SPIN1: variants seen among roughly 807,000 people sequenced by gnomAD.
SPIN1 encodes the protein spindlin-1.
SPIN1 carries 3 observed loss-of-function variants against 26.0 expected under a neutral mutation model. The ratio of observed to expected loss-of-function variants is 0.12; its 90% CI spans 0.05 to 0.30. SPIN1 has a LOEUF of 0.30. Ranked by LOEUF, SPIN1 falls within the 10% of genes least tolerant of loss-of-function variation. SPIN1 has a pLI of 1.00. For missense variants in SPIN1, 126 were observed against 333.4 expected (o/e 0.38, Z 4.84); for synonymous variants, 101 against 116.5 (o/e 0.87, Z 0.86).
At chr9:88,468,097 A>G (rs1054437281) in intron 4 of SPIN1, among the ~76,000 whole-genome samples, 3 of 152,236 alleles carry the variant, frequency 2.0e-5, no homozygotes, top group African/African-American at 7.2e-5. Context: ...TACAGAACCA[A>G]GAGCAGATGA....
Position 88,468,795 on chromosome 9 carries a change from TAGTC to T in SPIN1, c.589+194_589+197del, listed in dbSNP as rs147267354. ...AAATGTTAGATAAGAAAATATTTGA[TAGTC>T]AGTTCTGCTTGGCTTCTGTAATAAG... On this transcript the variant is annotated intron_variant, in intron 5 of 5. Coordinates refer to ENST00000375859, the MANE Select transcript of SPIN1 (RefSeq NM_006717.3). 8.8e-3 allele frequency among the ~76,000 whole-genome samples: 1,348 copies of T among 152,320 alleles called. 15 individuals are homozygous for T. Among genetic ancestry groups the T allele is most frequent in the African/African-American group, 0.023 (969 of 41,578 alleles).
chr9:88,427,393 C>T lies in SPIN1; in HGVS notation c.52+802C>T, dbSNP rs188236728. Among the ~76,000 whole-genome samples the T allele has an allele frequency of 2.7e-3, 415 of 152,150 alleles. 3 individuals are homozygous for T. Among genetic ancestry groups the T allele is most frequent in the African/African-American group, 9.3e-3 (386 of 41,550 alleles). ...TAAGTACCCTTTATCTTTATTTTAG[C>T]TTCTCTTTTATAAAGATAATACTCA... On this transcript the variant is annotated intron_variant, in intron 2 of 5. Transcript: ENST00000375859.
chr9:88,431,846 G>A (rs1178698778), intron 2 of SPIN1, among the ~76,000 whole-genome samples: 2 of 152,038 alleles, frequency 1.3e-5, no homozygotes. Context: ...GGCCAGGAGT[G>A]TGAGACTGCC....
In SPIN1 at chr9:88,475,913, TTTAAAAAAA is replaced by T. The variant is rs1587820813; in HGVS notation, c.*637_*645del. On this transcript the variant is annotated 3_prime_UTR_variant, in exon 6 of 6. Coordinates refer to ENST00000375859, the MANE Select transcript of SPIN1 (RefSeq NM_006717.3). ...GAACCATATGGGAACATTCAGCTTG[TTTAAAAAAA>T]AAAAATCAGAAGTTCAGAGCACCTT... 6.6e-6 allele frequency: 1 copy of T among 151,120 alleles called. No homozygotes were observed. The highest frequency in any genetic ancestry group is 1.9e-4 in the East Asian group (1 of 5,192). The allele number at this position is 151,120 out of a possible 1,614,324, so 9.4% of individuals were successfully genotyped here.
rs558005939 is a variant in SPIN1 at position 88,409,645 on chromosome 9, C to G, written c.-158-16737C>G. On this transcript the variant is annotated intron_variant, in intron 1 of 5. Transcript: ENST00000375859. ...GGTCAGGAGATGAAGACTGTCCTGG[C>G]TAACATGGTGAAACCCTGTCTCTAC... Among the ~76,000 whole-genome samples the G allele has an allele frequency of 5.9e-5, 9 of 151,714 alleles. No individual in the cohort carries two copies. The South Asian group carries it at 1.0e-3, about 18-fold the overall frequency.
chr9:88,473,100 T>C (rs780328553), intron 5 of SPIN1, among the ~76,000 whole-genome samples: 23 of 152,196 alleles, frequency 1.5e-4, no homozygotes, highest in Non-Finnish European at 3.1e-4. Flanking sequence ...TACATATTTT[T>C]AAAATTTTTG....
intron 1 of SPIN1, among the ~76,000 whole-genome samples, chr9:88,420,001 G>C (rs749123991): frequency 6.6e-6 from 1 of 152,176 alleles, no homozygotes; most frequent in Non-Finnish European, 1.5e-5. Context: ...TTCCTTACAA[G>C]GAAAGTAACT....
At chr9:88,447,224 T>A (rs1401336834) in intron 2 of SPIN1, among the ~76,000 whole-genome samples, 1 of 152,218 alleles carries the variant, frequency 6.6e-6, no homozygotes, top group East Asian at 1.9e-4. Flanking sequence ...TTTCACTAAT[T>A]TCATTTTTCT....
At chr9:88,418,292 A>C (rs1252872197) in intron 1 of SPIN1, among the ~76,000 whole-genome samples, 3 of 152,178 alleles carry the variant, frequency 2.0e-5, no homozygotes, top group African/African-American at 7.2e-5. Flanking sequence ...TAAAAAAGAC[A>C]CTGGTATTCC....
intron 3 of SPIN1, among the ~76,000 whole-genome samples, chr9:88,455,380 G>A (rs1181041460): frequency 6.6e-6 from 1 of 152,080 alleles, no homozygotes; most frequent in Non-Finnish European, 1.5e-5. Context: ...CGCTTGAACC[G>A]GGGAGACAGA....
chr9:88,389,006 C>T (rs1435533247), intron 1 of SPIN1, among the ~76,000 whole-genome samples: 2 of 64,992 alleles, frequency 3.1e-5, no homozygotes, highest in African/African-American at 5.6e-5. Flanking sequence ...GCGACGGGGG[C>T]GGGGCGGGGG....
intron 3 of SPIN1, chr9:88,457,956 T>C (rs879680107): frequency 1.7e-5 from 17 of 985,314 alleles, no homozygotes; most frequent in Non-Finnish European, 1.9e-5. Flanking sequence ...TGCAGTAGAA[T>C]TAGCCAGGTA....
At chr9:88,430,537 G>T (rs888295907) in intron 2 of SPIN1, among the ~76,000 whole-genome samples, 1 of 152,292 alleles carries the variant, frequency 6.6e-6, no homozygotes, top group Admixed American at 6.5e-5. Flanking sequence ...CTGCTACAGT[G>T]GTAAATAGAT....
chr9:88,457,623 A>T (rs569752835), intron 3 of SPIN1, among the ~76,000 whole-genome samples: 1 of 152,300 alleles, frequency 6.6e-6, no homozygotes, highest in African/African-American at 2.4e-5. Context: ...GTAATTTTAG[A>T]TGGTAAAATG....
At chr9:88,392,980 T>C (rs537814582) in intron 1 of SPIN1, among the ~76,000 whole-genome samples, 1 of 152,292 alleles carries the variant, frequency 6.6e-6, no homozygotes, top group South Asian at 2.1e-4. Flanking sequence ...ATTGGACCTG[T>C]GTTTTAGAAC....
At chr9:88,451,549 C>T (rs1301333370) in intron 3 of SPIN1, among the ~76,000 whole-genome samples, 1 of 151,994 alleles carries the variant, frequency 6.6e-6, no homozygotes, top group Non-Finnish European at 1.5e-5. Context: ...AAAAGTACGT[C>T]TGTTTTTTTG....
chr9:88,445,564 T>TTATTATTAA (rs56321778), intron 2 of SPIN1, among the ~76,000 whole-genome samples: 2 of 147,542 alleles, frequency 1.4e-5, no homozygotes, highest in Non-Finnish European at 3.0e-5. Flanking sequence ...ATTATTATTA[T>TTATTATTAA]ATTGAGATGG....
At chr9:88,414,389 G>A (rs995573001) in intron 1 of SPIN1, among the ~76,000 whole-genome samples, 2 of 152,192 alleles carry the variant, frequency 1.3e-5, no homozygotes, top group Non-Finnish European at 2.9e-5. Context: ...TGCTCACCAT[G>A]AATCACAGAG....
At chr9:88,470,622 T>A (rs922788815) in intron 5 of SPIN1, among the ~76,000 whole-genome samples, 1 of 148,618 alleles carries the variant, frequency 6.7e-6, no homozygotes, top group Non-Finnish European at 1.5e-5. Flanking sequence ...TGAGACAGAG[T>A]CTTGCTCTGT....
Sources: allele counts gnomAD v4.1 joint callset (sites outside exome capture counted in the v4.1 genomes callset), GRCh38; gene constraint gnomAD v4.1.1; transcripts MANE v1.5; gene names NCBI Gene and HGNC (gene_info 2026-07-23, HGNC 2026-07-21).